The following EXOC2 variants were observed in gnomAD, a reference collection of about 807,000 sequenced individuals.
EXOC2 encodes the protein exocyst complex component 2.
Under a neutral mutation model 131.8 loss-of-function variants are expected in EXOC2, and 70 were observed. That is an observed-to-expected ratio of 0.53 (90% CI 0.44 to 0.65). The LOEUF is 0.65. EXOC2 is among the 30% of genes least tolerant of loss of function. The pLI, the probability that EXOC2 is intolerant of heterozygous loss-of-function variation, is 0.00. For synonymous variants in EXOC2, 411 were observed against 398.4 expected (o/e 1.03, Z -0.38); for missense variants, 923 against 1,108.6 (o/e 0.83, Z 2.38).
intron 21 of EXOC2, among the ~76,000 whole-genome samples, chr6:551,336 A>G (rs185766825): frequency 3.5e-4 from 53 of 152,358 alleles, no homozygotes; most frequent in Non-Finnish European, 6.8e-4. Flanking sequence ...ATAACAGAAC[A>G]AGACCCTAAG....
intron 1 of EXOC2, among the ~76,000 whole-genome samples, chr6:670,702 G>C (rs942061795): frequency 6.6e-6 from 1 of 152,168 alleles, no homozygotes; most frequent in African/African-American, 2.4e-5. Flanking sequence ...ATCTCTGAAT[G>C]ATTGGTCTCA....
chr6:622,294 AAC>A (rs541628595), intron 4 of EXOC2, among the ~76,000 whole-genome samples: 149 of 152,348 alleles, frequency 9.8e-4, no homozygotes, highest in African/African-American at 3.3e-3. Flanking sequence ...TCCTACTAAC[AAC>A]AGTCTTCACA....
intron 23 of EXOC2, among the ~76,000 whole-genome samples, chr6:511,409 T>A (rs1419624117): frequency 1.3e-5 from 2 of 151,638 alleles, no homozygotes; most frequent in South Asian, 2.1e-4. Flanking sequence ...AAAAAAAAAA[T>A]ATGAAAACCC....
chr6:669,937 G>C (rs1387264795), intron 1 of EXOC2: 1 of 152,226 alleles, frequency 6.6e-6, no homozygotes, highest in Non-Finnish European at 1.5e-5. Flanking sequence ...ACTGGGGTTT[G>C]GGAGCAGGAA....
chr6:658,769 C>G (rs1442263179), intron 1 of EXOC2, among the ~76,000 whole-genome samples: 1 of 150,284 alleles, frequency 6.7e-6, no homozygotes, highest in East Asian at 2.0e-4. Context: ...TCAAGCGATT[C>G]TCTTGCCTCA....
chr6:655,434 ATTGCAATAT>A (rs1265095281), intron 1 of EXOC2, among the ~76,000 whole-genome samples: 1 of 152,230 alleles, frequency 6.6e-6, no homozygotes. Context: ...ATCTGTCTTT[ATTGCAATAT>A]TTGCTTTTTG....
rs768135403 is a variant in EXOC2 at position 532,556 on chromosome 6, C to T, written c.2293G>A (p.Glu765Lys). Residue 765 changes from glutamate (E) to lysine (K), a missense_variant, in exon 23 of 28, where the codon GAG (glutamate) becomes AAG (lysine). Transcript: ENST00000230449. ...CCAACGATGGGATCTGCTTTCAACTCGATGTAATTTTCAAAGAGTCTTTGA... is the reference window on the plus strand; with the variant it reads ...CCAACGATGGGATCTGCTTTCAACTTGATGTAATTTTCAAAGAGTCTTTGA... ...LDQRLFENYIELKADPIVGSL... is the reference protein window; with the variant it reads ...LDQRLFENYIKLKADPIVGSL... 6.2e-7 allele frequency: 1 copy of T among 1,609,102 alleles called. No homozygotes were observed.
chr6:537,936 G>A (rs1053306449), intron 22 of EXOC2, among the ~76,000 whole-genome samples: 1 of 152,142 alleles, frequency 6.6e-6, no homozygotes. Flanking sequence ...ACTCAAACAG[G>A]GCACAAGGGA....
intron 1 of EXOC2, among the ~76,000 whole-genome samples, chr6:657,911 TTCC>T (rs1435888642): frequency 6.6e-6 from 1 of 152,236 alleles, no homozygotes; most frequent in Non-Finnish European, 1.5e-5. Flanking sequence ...TGTAAATATC[TTCC>T]CCAGTTTATC....
intron 23 of EXOC2, among the ~76,000 whole-genome samples, chr6:526,890 A>T (rs1194101845): frequency 6.6e-6 from 1 of 152,210 alleles, no homozygotes; most frequent in East Asian, 1.9e-4. Context: ...CTTTGTGCTC[A>T]GTGGCTTCAT....
chr6:627,573 G>A (rs1458716174), intron 4 of EXOC2, among the ~76,000 whole-genome samples: 1 of 152,156 alleles, frequency 6.6e-6, no homozygotes, highest in South Asian at 2.1e-4. Flanking sequence ...CGATGCCAGG[G>A]ATTCCTGTCC....
chr6:594,748 A>T (rs1231597431), intron 10 of EXOC2, among the ~76,000 whole-genome samples: 1 of 152,244 alleles, frequency 6.6e-6, no homozygotes, highest in Admixed American at 6.5e-5. Context: ...AGCAAGATAA[A>T]GTTGTTCTTT....
intron 22 of EXOC2, among the ~76,000 whole-genome samples, chr6:540,472 C>T (rs960709567): frequency 6.6e-6 from 1 of 152,254 alleles, no homozygotes; most frequent in African/African-American, 2.4e-5. Flanking sequence ...ATAATTTCCC[C>T]TTACTTAGTA....
chr6:594,098 G>A lies in EXOC2; in HGVS notation c.1074-1511C>T, dbSNP rs185900140. On this transcript the variant is annotated intron_variant, in intron 10 of 27. Coordinates refer to ENST00000230449, the MANE Select transcript of EXOC2 (RefSeq NM_018303.6). ...GGATGTGTCTCTGTGCTGAGAAAGT[G>A]GCAGGTCAATTAGAAGGAAGAGCTT... is the stretch of plus-strand genomic sequence containing the variant. Among the ~76,000 whole-genome samples the A allele has an allele frequency of 1.6e-4, 24 of 152,284 alleles. No homozygotes were observed. In the East Asian group the frequency reaches 4.2e-3, roughly 27 times the overall value.
intron 1 of EXOC2, among the ~76,000 whole-genome samples, chr6:659,634 G>A (rs1174986937): frequency 6.6e-6 from 1 of 152,146 alleles, no homozygotes; most frequent in African/African-American, 2.4e-5. Flanking sequence ...AGAAGTTTCC[G>A]ACTTTACCTG....
intron 1 of EXOC2, among the ~76,000 whole-genome samples, chr6:662,485 A>C (rs1484441031): frequency 2.0e-5 from 3 of 152,212 alleles, no homozygotes; most frequent in Non-Finnish European, 1.5e-5. Context: ...AAAACTGGAA[A>C]TCAACTCCAA....
At chr6:612,988 C>T (rs993043904) in intron 6 of EXOC2, among the ~76,000 whole-genome samples, 3 of 152,102 alleles carry the variant, frequency 2.0e-5, no homozygotes, top group Admixed American at 1.3e-4. Flanking sequence ...AAAGGAGGTG[C>T]CCAGAGGCAC....
In EXOC2 at chr6:485,250, G is replaced by C. The variant is rs941457780; in HGVS notation, c.*1421C>G. ...CAGTTTTTAAACTTAGCTCACAGTT[G>C]AGTTAGATACAACAGTTAACATACT... On this transcript the variant is annotated 3_prime_UTR_variant, in exon 28 of 28. Coordinates refer to ENST00000230449, the MANE Select transcript of EXOC2 (RefSeq NM_018303.6). 6.6e-6 allele frequency: 1 copy of C among 152,134 alleles called. No individual in the cohort carries two copies. Among genetic ancestry groups the C allele is most frequent in the Admixed American group, 6.5e-5 (1 of 15,276 alleles). 9.4% of individuals were successfully genotyped at this position (152,134 alleles called of 1,614,324 possible).
rs139367150 is a variant in EXOC2, at chr6:489,978, C to A, written c.2622-940G>T. On this transcript the variant is annotated intron_variant, in intron 26 of 27. Coordinates refer to ENST00000230449, the MANE Select transcript of EXOC2 (RefSeq NM_018303.6). ...GTGGGGTGTGGGACGGGTGGCTTGG[C>A]GCACTCGGGTCCCTTCCCACATTCA... Among the ~76,000 whole-genome samples the A allele has an allele frequency of 6.4e-3, 969 of 152,320 alleles. 5 individuals are homozygous for A. Among genetic ancestry groups the A allele is most frequent in the Non-Finnish European group, 0.012 (792 of 68,022 alleles).
Sources: allele counts gnomAD v4.1 joint callset (sites outside exome capture counted in the v4.1 genomes callset), GRCh38; gene constraint gnomAD v4.1.1; transcripts MANE v1.5; gene names NCBI Gene and HGNC (gene_info 2026-07-23, HGNC 2026-07-21).